The following ALX4 variants were observed in gnomAD, a reference collection of about 807,000 sequenced individuals.
ALX4 encodes homeobox protein aristaless-like 4.
Under a neutral mutation model 40.6 loss-of-function variants are expected in ALX4, and 22 were observed. That is an observed-to-expected ratio of 0.54 (90% CI 0.39 to 0.77). The LOEUF is 0.77. Among genes scored for constraint, ALX4 ranks in the 30% least tolerant of loss-of-function variants. The pLI, the probability that ALX4 is intolerant of heterozygous loss-of-function variation, is 0.00. For missense variants in ALX4, 556 were observed against 564.8 expected, an observed-to-expected ratio of 0.98 and a Z score of 0.16; for synonymous variants, 266 against 240.5, an observed-to-expected ratio of 1.11 and a Z score of -0.98.
At chr11:44,306,068 C>T (rs1191932690) in intron 1 of ALX4, among the ~76,000 whole-genome samples, 2 of 152,180 alleles carry the variant, frequency 1.3e-5, no homozygotes, top group East Asian at 1.9e-4. Flanking sequence ...AGGCGGCCCG[C>T]CCTGGACTCG....
chr11:44,283,317 C>A (rs527812741), intron 1 of ALX4, among the ~76,000 whole-genome samples: 2 of 149,444 alleles, frequency 1.3e-5, no homozygotes, highest in Non-Finnish European at 1.5e-5. Flanking sequence ...AAAGAAAATA[C>A]AAAATTGTGT....
chr11:44,270,338 T>C (rs1005216710), intron 2 of ALX4, among the ~76,000 whole-genome samples: 25 of 147,814 alleles, frequency 1.7e-4, no homozygotes, highest in Non-Finnish European at 4.6e-5. Flanking sequence ...AAGATGGAAA[T>C]GGTGAGAGGC....
chr11:44,265,086 T>C lies in ALX4; in HGVS notation c.1004A>G (p.His335Arg). 6.2e-7 allele frequency: 1 copy of C among 1,612,720 alleles called. No individual in the cohort carries two copies. Among genetic ancestry groups the C allele is most frequent in the Non-Finnish European group, 8.5e-7 (1 of 1,179,842 alleles). The change falls in exon 4 of 4, where the codon CAT becomes CGT. Residue 335 changes from histidine to arginine, a missense_variant. His to Arg is a conservative substitution (Grantham distance 29). Coordinates refer to ENST00000652299, the MANE Select transcript of ALX4 (RefSeq NM_021926.4). ...CDPVPACMSPHAHPPGSGASS... is the reference protein window; with the variant it reads ...CDPVPACMSPRAHPPGSGASS... The stretch of plus-strand genomic sequence containing the variant: ...GGCCCCAGAGCCAGGGGGGTGGGCA[T>C]GAGGGGACATGCAGGCAGGCACCGG...
In ALX4 at chr11:44,285,697, T is replaced by A. The variant is rs148045793; in HGVS notation, c.467-10039A>T. ...ATCTTGTCTTTCCTTTTTTTTTTTTTATTTTTTAACTATGGAACATTTTAT... is the reference window on the plus strand; with the variant it reads ...ATCTTGTCTTTCCTTTTTTTTTTTTAATTTTTTAACTATGGAACATTTTAT... On this transcript the variant is annotated intron_variant, in intron 1 of 3. Transcript: ENST00000652299. Among the ~76,000 whole-genome samples the A allele has an allele frequency of 9.0e-3, 1,367 of 152,124 alleles. 17 individuals are homozygous for A. Among genetic ancestry groups the A allele is most frequent in the African/African-American group, 0.031 (1,291 of 41,472 alleles).
chr11:44,275,133 G>C (rs372600236), intron 2 of ALX4, among the ~76,000 whole-genome samples: 1 of 152,170 alleles, frequency 6.6e-6, no homozygotes, highest in African/African-American at 2.4e-5. Flanking sequence ...CCACAGTGCA[G>C]AAGCCCAATA....
At chr11:44,292,941 A>T (rs977793440) in intron 1 of ALX4, among the ~76,000 whole-genome samples, 4 of 151,694 alleles carry the variant, frequency 2.6e-5, no homozygotes, top group African/African-American at 7.3e-5. Flanking sequence ...TATAAAAAAA[A>T]TTTTTAAATT....
chr11:44,303,432 T>C (rs961033412), intron 1 of ALX4, among the ~76,000 whole-genome samples: 2 of 151,622 alleles, frequency 1.3e-5, no homozygotes, highest in African/African-American at 4.9e-5. Context: ...ACCCCGCCCG[T>C]ATCTCCCAGT....
chr11:44,294,220 CAA>C (rs1298084946), intron 1 of ALX4, among the ~76,000 whole-genome samples: 1 of 152,206 alleles, frequency 6.6e-6, no homozygotes, highest in Non-Finnish European at 1.5e-5. Context: ...TGGGTTTCCA[CAA>C]AAAGTCTCAG....
chr11:44,298,253 C>CA (rs1956414867), intron 1 of ALX4, among the ~76,000 whole-genome samples: 1 of 152,136 alleles, frequency 6.6e-6, no homozygotes, highest in Admixed American at 6.5e-5. Flanking sequence ...CTCAGGGGAC[C>CA]ATGGATGTTC....
Position 44,302,755 on chromosome 11 carries a change from C to G in ALX4, c.466+6842G>C, listed in dbSNP as rs146937085. Among the ~76,000 whole-genome samples, 28 of 152,278 alleles carry G rather than the reference C, an allele frequency of 1.8e-4. No homozygotes were observed. The East Asian group carries it at 5.4e-3, about 29-fold the overall frequency. On this transcript the variant is annotated intron_variant, in intron 1 of 3. Coordinates refer to ENST00000652299, the MANE Select transcript of ALX4 (RefSeq NM_021926.4). Reference sequence around the variant, plus strand: ...TAGGACCTCTAGCCGGCTTTGTGTCCTGTGATGGCTCCCCACTCAGGACCT... The same window carrying G: ...TAGGACCTCTAGCCGGCTTTGTGTCGTGTGATGGCTCCCCACTCAGGACCT...
chr11:44,284,886 G>A (rs1333615396), intron 1 of ALX4, among the ~76,000 whole-genome samples: 1 of 151,844 alleles, frequency 6.6e-6, no homozygotes, highest in African/African-American at 2.4e-5. Flanking sequence ...AATCAAGACA[G>A]ACCAAAAGAA....
At chr11:44,275,811 T>C (rs757308743) in intron 1 of ALX4, among the ~76,000 whole-genome samples, 153 bp from the exon 2 acceptor site, 1 of 152,226 alleles carries the variant, frequency 6.6e-6, no homozygotes, top group Non-Finnish European at 1.5e-5. Context: ...TGGCTTCTAA[T>C]TCTGGCTTGC....
chr11:44,290,734 G>A (rs1956364281), intron 1 of ALX4, among the ~76,000 whole-genome samples: 1 of 152,224 alleles, frequency 6.6e-6, no homozygotes, highest in African/African-American at 2.4e-5. Context: ...TTGTGGTTCT[G>A]CCACAGAAGG....
chr11:44,303,815 T>G (rs1367299355), intron 1 of ALX4, among the ~76,000 whole-genome samples: 1 of 152,190 alleles, frequency 6.6e-6, no homozygotes, highest in Non-Finnish European at 1.5e-5. Context: ...TTGTCATCCT[T>G]TCTGAGGGAC....
At chr11:44,293,163 GGAAGGAAGC>G (rs1956381531) in intron 1 of ALX4, among the ~76,000 whole-genome samples, 1 of 47,584 alleles carries the variant, frequency 2.1e-5, no homozygotes, top group Non-Finnish European at 4.2e-5. Flanking sequence ...AAGGAAGGAA[GGAAGGAAGC>G]AGGCAGGCAG....
At chr11:44,302,208 C>T (rs770797604) in intron 1 of ALX4, among the ~76,000 whole-genome samples, 8 of 152,150 alleles carry the variant, frequency 5.3e-5, no homozygotes, top group Non-Finnish European at 1.2e-4. Context: ...ACCTGAGGCT[C>T]GCACACTGGG....
chr11:44,270,185 G>A (rs1338884907), intron 2 of ALX4, among the ~76,000 whole-genome samples: 1 of 152,162 alleles, frequency 6.6e-6, no homozygotes, highest in East Asian at 1.9e-4. Context: ...GCGCGGGCTC[G>A]CTGGAGCTGA....
chr11:44,266,776 C>T (rs1956216217), intron 3 of ALX4, among the ~76,000 whole-genome samples: 1 of 152,092 alleles, frequency 6.6e-6, no homozygotes, highest in South Asian at 2.1e-4. Flanking sequence ...TGATGTGACT[C>T]AATACTTCTC....
In ALX4 at chr11:44,275,604, C is replaced by T. The variant is rs1360152323; in HGVS notation, c.521G>A (p.Gly174Glu). Residue 174 changes from glycine (G) to glutamate (E), a missense_variant, in exon 2 of 4, where the codon GGG becomes GAG. Transcript: ENST00000652299. Reference sequence around the variant, plus strand: ...GACACTCAGGTAGCTGCTGTCCATCCCCACAGTGTCAGAGTCAGGGGGTAA... The same window carrying T: ...GACACTCAGGTAGCTGCTGTCCATCTCCACAGTGTCAGAGTCAGGGGGTAA... ...PELPPDSDTV[G>E]MDSSYLSVKE... The T allele has an allele frequency of 1.2e-6, 2 of 1,613,840 alleles. No individual in the cohort carries two copies. The highest frequency in any genetic ancestry group is 1.7e-6 in the Non-Finnish European group (2 of 1,179,908).
Sources: allele counts gnomAD v4.1 joint callset (sites outside exome capture counted in the v4.1 genomes callset), GRCh38; gene constraint gnomAD v4.1.1; transcripts MANE v1.5; gene names NCBI Gene and HGNC (gene_info 2026-07-23, HGNC 2026-07-21).